The following SNX21 variants were observed in gnomAD, a reference collection of about 807,000 sequenced individuals.
SNX21 encodes the protein sorting nexin family member 21.
SNX21 carries 36 observed loss-of-function variants against 30.9 expected under a neutral mutation model. The ratio of observed to expected loss-of-function variants is 1.16; its 90% confidence interval spans 0.89 to 1.54. SNX21 has a LOEUF of 1.54. Ranked by LOEUF, SNX21 falls within the 40% of genes most tolerant of loss-of-function variation. The probability of loss-of-function intolerance (pLI) is 0.00; values close to 1 mark genes in which losing one functional copy is unlikely to be tolerated. For synonymous variants in SNX21, 218 were observed against 222.7 expected (o/e 0.98, Z 0.19); for missense variants, 508 against 516.5 (o/e 0.98, Z 0.16).
In SNX21 at chr20:45,841,064, G is replaced by A. The variant is rs149952330; in HGVS notation, c.873G>A (p.Val291=). The A allele has an allele frequency of 1.8e-5, 29 of 1,609,464 alleles. No individual in the cohort carries two copies. Among genetic ancestry groups the A allele is most frequent in the East Asian group, 6.7e-5 (3 of 44,852 alleles). The stretch of plus-strand genomic sequence containing the variant: ...TGCTGACCCTGGCTGGGCTGGCCGT[G>A]TGCCACCAGGAGCTGGAAGACCCTG... ...RPLLTLAGLA[V]CHQELEDPGE... The change falls in exon 4 of 4, where the codon GTG becomes GTA. Residue 291 remains valine, a synonymous_variant. Transcript: ENST00000491381.
At chr20:45,840,503 C>G in intron 3 of SNX21, 136 bp from the exon 4 acceptor site, 2 of 1,613,638 alleles carry the variant, frequency 1.2e-6, no homozygotes, top group Non-Finnish European at 1.7e-6. Context: ...GCAGCTCCCG[C>G]CCTCCTGGGT....
intron 3 of SNX21, 28 bp downstream of exon 3, chr20:45,835,144 T>G (rs766897312): frequency 6.3e-7 from 1 of 1,592,320 alleles, no homozygotes; most frequent in Non-Finnish European, 8.6e-7. Context: ...ACCCCTGGGC[T>G]GTGAGTCCAG....
chr20:45,833,857 C>T lies in SNX21; in HGVS notation c.-63C>T. 1.5e-6 allele frequency: 2 copies of T among 1,297,300 alleles called. No homozygotes were observed. Among genetic ancestry groups the T allele is most frequent in the African/African-American group, 1.5e-5 (1 of 64,726 alleles). 80.4% of individuals were successfully genotyped at this position (1,297,300 alleles called of 1,614,324 possible). ...GAGCCCGGCGGAGCCCTGCAGAACC[C>T]GGCCGACCTCCATGGGCTGCGGGGG... is the stretch of plus-strand genomic sequence containing the variant. On this transcript the variant is annotated 5_prime_UTR_variant, in exon 1 of 4. Transcript: ENST00000491381.
At chr20:45,836,507 AAAAAAAAAAAT>A (rs1266300723) in intron 3 of SNX21, among the ~76,000 whole-genome samples, 1 of 151,190 alleles carries the variant, frequency 6.6e-6, no homozygotes, top group Non-Finnish European at 1.5e-5. Context: ...AAAAAAAAAA[AAAAAAAAAAAT>A]TTTGAGACAG....
rs1601085151 is a variant in SNX21, at chr20:45,842,305, CT to C, written c.*995del. 1.2e-5 allele frequency: 17 copies of C among 1,417,692 alleles called. No individual in the cohort carries two copies. In the East Asian group the frequency reaches 4.1e-4, roughly 34 times the overall value. The allele number at this position is 1,417,692 out of a possible 1,614,324, so 87.8% of individuals were successfully genotyped here. The stretch of plus-strand genomic sequence containing the variant: ...AACCCCAGTTGACAGTTTAAAAGCA[CT>C]TTCACACCTCTCCTCGCTTCCTCAA... On this transcript the variant is annotated 3_prime_UTR_variant, in exon 4 of 4. Transcript: ENST00000491381.
intron 3 of SNX21, among the ~76,000 whole-genome samples, chr20:45,837,337 A>G (rs1013046063): frequency 2.0e-5 from 3 of 152,230 alleles, no homozygotes; most frequent in Non-Finnish European, 4.4e-5. Flanking sequence ...TGCAGGCAAT[A>G]TGTTTTGAGA....
chr20:45,839,812 G>A (rs761898952), intron 3 of SNX21, among the ~76,000 whole-genome samples: 15 of 152,024 alleles, frequency 9.9e-5, no homozygotes, highest in Non-Finnish European at 1.9e-4. Context: ...GGGAGGCTGA[G>A]GCAGGAGGAA....
rs775319119 is a variant in SNX21 at position 45,834,373 on chromosome 20, GCGCCGAGGA to G, written c.197_205del (p.Ala66_Asp68del). ...CTCAGCGGCACCCTCAGCTTCACCAGCGCCGAGGACGACGAGGACGACGAGGACGAGGAC... is the reference window on the plus strand; with the variant it reads ...CTCAGCGGCACCCTCAGCTTCACCAGCGACGAGGACGACGAGGACGAGGAC... On this transcript the variant is annotated inframe_deletion, in exon 2 of 4. Coordinates refer to ENST00000491381, the MANE Select transcript of SNX21 (RefSeq NM_033421.4). 6 of 1,603,790 alleles carry G rather than the reference GCGCCGAGGA, an allele frequency of 3.7e-6. No homozygotes were observed. Among genetic ancestry groups the G allele is most frequent in the African/African-American group, 1.3e-5 (1 of 74,852 alleles).
At chr20:45,840,084 G>A (rs1983915849) in intron 3 of SNX21, 1 of 944,254 alleles carries the variant, frequency 1.1e-6, no homozygotes, top group Non-Finnish European at 1.3e-6. Context: ...GGACTCCCTT[G>A]CCTGGGTCAC....
intron 2 of SNX21, 83 bp downstream of exon 2, chr20:45,834,551 CT>C: frequency 6.9e-7 from 1 of 1,451,176 alleles, no homozygotes; most frequent in Non-Finnish European, 9.1e-7. Flanking sequence ...ATCCAGGGCG[CT>C]AAGTTGATCC....
chr20:45,841,533 A>AC lies in SNX21; in HGVS notation c.*221dup. ...CTTGTGTAGTACAGGGAAGTCTGACACAGCCTCTCCAGCCTATAAACAGCC... is the reference window on the plus strand; with the variant it reads ...CTTGTGTAGTACAGGGAAGTCTGACACCAGCCTCTCCAGCCTATAAACAGCC... On this transcript the variant is annotated 3_prime_UTR_variant, in exon 4 of 4. Coordinates refer to ENST00000491381, the MANE Select transcript of SNX21 (RefSeq NM_033421.4). 7.2e-7 allele frequency: 1 copy of AC among 1,387,086 alleles called. No individual in the cohort carries two copies. Among genetic ancestry groups the AC allele is most frequent in the Non-Finnish European group, 9.3e-7 (1 of 1,078,078 alleles). The allele number at this position is 1,387,086 out of a possible 1,614,324, so 85.9% of individuals were successfully genotyped here.
Position 45,841,386 on chromosome 20 carries a change from C to G in SNX21, c.*73C>G. The G allele has an allele frequency of 2.0e-6, 3 of 1,505,302 alleles. No individual in the cohort carries two copies. The highest frequency in any genetic ancestry group is 2.3e-5 in the East Asian group (1 of 43,252). 93.2% of individuals were successfully genotyped at this position (1,505,302 alleles called of 1,614,324 possible). On this transcript the variant is annotated 3_prime_UTR_variant, in exon 4 of 4. Coordinates refer to ENST00000491381, the MANE Select transcript of SNX21 (RefSeq NM_033421.4). ...AGGCAGGGGAAGGACCTGATGAGAACAGAATAGCTGGGAGGCTGCAGAGGG... is the reference window on the plus strand; with the variant it reads ...AGGCAGGGGAAGGACCTGATGAGAAGAGAATAGCTGGGAGGCTGCAGAGGG...
chr20:45,835,002 GGCGCGGCA>G lies in SNX21; in HGVS notation c.336_343del (p.Arg113AlafsTer24). The G allele has an allele frequency of 1.9e-6, 3 of 1,614,198 alleles. No individual in the cohort carries two copies. Among genetic ancestry groups the G allele is most frequent in the Non-Finnish European group, 2.5e-6 (3 of 1,180,032 alleles). ...ATGGGCAGTGGGGCAGTCAGCTCCTGGCGCGGCAGCTGCAGGATTTCTGGAAGAAGTCC... is the reference window on the plus strand; with the variant it reads ...ATGGGCAGTGGGGCAGTCAGCTCCTGGCTGCAGGATTTCTGGAAGAAGTCC... On this transcript the variant is annotated frameshift_variant, in exon 3 of 4. Transcript: ENST00000491381. LOFTEE classifies it high-confidence loss of function.
rs549122510 is a variant in SNX21 at position 45,840,584 on chromosome 20, A to T, written c.448-55A>T. Reference sequence around the variant, plus strand: ...GTGTGGGGGATGGGGAAGGATGGGGAGGGAACGGGCCCGTGGACAACTTGC... The same window carrying T: ...GTGTGGGGGATGGGGAAGGATGGGGTGGGAACGGGCCCGTGGACAACTTGC... On this transcript the variant is annotated intron_variant, in intron 3 of 3. Transcript: ENST00000491381. 987 of 1,613,066 alleles carry T rather than the reference A, an allele frequency of 6.1e-4. 1 individual carries two copies. Among genetic ancestry groups the T allele is most frequent in the Non-Finnish European group, 7.9e-4 (933 of 1,179,394 alleles).
chr20:45,840,292 T>C (rs197669), intron 3 of SNX21: 1,033,330 of 1,521,988 alleles, frequency 0.68, 351,640 homozygotes, highest in Admixed American at 0.78. Context: ...AGAGATTGGC[T>C]GGGGTTTCAG....
chr20:45,834,561 C>A, intron 2 of SNX21, 93 bp downstream of exon 2: 1 of 1,416,610 alleles, frequency 7.1e-7, no homozygotes, highest in Non-Finnish European at 9.3e-7. Context: ...CTAAGTTGAT[C>A]CAGCTGAAAC....
Position 45,843,257 on chromosome 20 carries a change from T to C in SNX21, c.*1944T>C. The C allele has an allele frequency of 4.8e-6, 3 of 622,466 alleles. No individual in the cohort carries two copies. Among genetic ancestry groups the C allele is most frequent in the South Asian group, 1.5e-5 (1 of 65,428 alleles). The allele number at this position is 622,466 out of a possible 1,614,324, so 38.6% of individuals were successfully genotyped here. On this transcript the variant is annotated 3_prime_UTR_variant, in exon 4 of 4. Coordinates refer to ENST00000491381, the MANE Select transcript of SNX21 (RefSeq NM_033421.4). ...GGAAGATATGATTTGCCTATTGTAATACAAAGAATCTGAACTGGTTTTGGG... is the reference window on the plus strand; with the variant it reads ...GGAAGATATGATTTGCCTATTGTAACACAAAGAATCTGAACTGGTTTTGGG...
chr20:45,840,842 G>A lies in SNX21; in HGVS notation c.651G>A (p.Glu217=). 1 of 1,613,942 alleles carries A rather than the reference G, an allele frequency of 6.2e-7. No homozygotes were observed. The highest frequency in any genetic ancestry group is 1.7e-5 in the Admixed American group (1 of 60,034). Residue 217 remains glutamate, a synonymous_variant, in exon 4 of 4, where the codon GAG becomes GAA. Coordinates refer to ENST00000491381, the MANE Select transcript of SNX21 (RefSeq NM_033421.4). ...ETIARRSRAF[E]QFLGHLQAVP... ...TTGCCCGCCGTAGCCGGGCCTTTGA[G>A]CAGTTTTTGGGTCACCTGCAGGCAG...
intron 3 of SNX21, among the ~76,000 whole-genome samples, chr20:45,836,280 G>A (rs560253701): frequency 1.2e-4 from 18 of 151,960 alleles, no homozygotes; most frequent in Non-Finnish European, 2.4e-4. Flanking sequence ...GGCGGATCAC[G>A]AGGTCACGAG....
Sources: gnomAD v4.1 joint callset for allele counts (sites outside exome capture counted in the v4.1 genomes callset) on GRCh38, gnomAD v4.1.1 for gene constraint, MANE v1.5 for transcripts, NCBI Gene and HGNC (gene_info 2026-07-23, HGNC 2026-07-21) for gene names.